Variants in RNF13 observed in about 807,000 individuals in gnomAD.
RNF13 encodes the protein ring finger protein 13.
RNF13 carries 19 observed loss-of-function variants against 37.7 expected under a neutral mutation model. The observed-to-expected ratio is 0.50, with a 90% CI of 0.35 to 0.74. The LOEUF (loss-of-function observed/expected upper bound fraction) is 0.74. Ranked by LOEUF, RNF13 falls within the 30% of genes least tolerant of loss-of-function variation. The probability of loss-of-function intolerance (pLI) is 0.01; values close to 1 mark genes in which losing one functional copy is unlikely to be tolerated. For synonymous variants in RNF13, 144 were observed against 157.8 expected, an observed-to-expected ratio of 0.91 and a Z score of 0.65; for missense variants, 375 against 453.0, an observed-to-expected ratio of 0.83 and a Z score of 1.56.
intron 3 of RNF13, 76 bp from the exon 4 acceptor site, chr3:149,871,952 GA>G: frequency 7.7e-7 from 1 of 1,302,206 alleles, no homozygotes; most frequent in Non-Finnish European, 1.0e-6. Context: ...ATGACAAATC[GA>G]AAAGATATTT....
intron 3 of RNF13, among the ~76,000 whole-genome samples, chr3:149,871,768 G>A (rs959769338): frequency 6.6e-6 from 1 of 152,060 alleles, no homozygotes; most frequent in African/African-American, 2.4e-5. Flanking sequence ...TGTCTTTGGG[G>A]TGATTGGCTT....
intron 4 of RNF13, among the ~76,000 whole-genome samples, chr3:149,894,673 C>T (rs1715056366): frequency 6.6e-6 from 1 of 152,184 alleles, no homozygotes; most frequent in South Asian, 2.1e-4. Flanking sequence ...AAAAGTATTT[C>T]AAGTATTCAA....
At chr3:149,870,640 C>T (rs1711926607) in intron 3 of RNF13, among the ~76,000 whole-genome samples, 1 of 151,790 alleles carries the variant, frequency 6.6e-6, no homozygotes, top group East Asian at 1.9e-4. Flanking sequence ...GCAAATTTAA[C>T]AAGAATAAAG....
chr3:149,830,522 C>G (rs1188122560), intron 1 of RNF13, among the ~76,000 whole-genome samples: 1 of 68,188 alleles, frequency 1.5e-5, no homozygotes, highest in Non-Finnish European at 2.8e-5. Flanking sequence ...AATTTCTAAG[C>G]AGTAAACTGT....
intron 4 of RNF13, among the ~76,000 whole-genome samples, chr3:149,888,556 C>T (rs1020470165): frequency 5.3e-5 from 8 of 152,266 alleles, no homozygotes; most frequent in Admixed American, 1.3e-4. Flanking sequence ...AATTACTCTT[C>T]GTGCAAAACA....
rs1559953213 is a variant in RNF13, at chr3:149,921,870, G to A, written c.700+643G>A. ...TCTAGTTCTAGATCCCTGAGGAATCGCCACACTGTCTTCCACAATGGTTGA... is the reference window on the plus strand; with the variant it reads ...TCTAGTTCTAGATCCCTGAGGAATCACCACACTGTCTTCCACAATGGTTGA... On this transcript the variant is annotated intron_variant, in intron 8 of 9. Coordinates refer to ENST00000392894, the MANE Select transcript of RNF13 (RefSeq NM_183381.3). 2.0e-5 allele frequency among the ~76,000 whole-genome samples: 3 copies of A among 152,208 alleles called. 1 individual carries two copies. In the Middle Eastern group the frequency reaches 0.01, roughly 518 times the overall value.
At position 149,869,592 on chromosome 3, in the gene RNF13, C is replaced by T. The variant is rs576792397; in HGVS notation, c.196-2437C>T. 3.4e-4 allele frequency among the ~76,000 whole-genome samples: 51 copies of T among 151,136 alleles called. 1 individual carries two copies. In the South Asian group the frequency reaches 4.6e-3, roughly 14 times the overall value. Reference sequence around the variant, plus strand: ...CTGCACTCCAGCCTGGGCGACAGAGCGAGACTCCGCCTCAGAAAAAAAAAA... The same window carrying T: ...CTGCACTCCAGCCTGGGCGACAGAGTGAGACTCCGCCTCAGAAAAAAAAAA... On this transcript the variant is annotated intron_variant, in intron 3 of 9. Transcript: ENST00000392894.
chr3:149,837,647 C>T (rs949193425), intron 1 of RNF13, among the ~76,000 whole-genome samples: 47 of 152,240 alleles, frequency 3.1e-4, no homozygotes, highest in African/African-American at 8.4e-4. Flanking sequence ...TTCATTATCA[C>T]GAGAATAACA....
At chr3:149,870,148 C>T (rs766862669) in intron 3 of RNF13, among the ~76,000 whole-genome samples, 1 of 151,854 alleles carries the variant, frequency 6.6e-6, no homozygotes, top group Non-Finnish European at 1.5e-5. Context: ...CCTTCAGGTA[C>T]TTGTGATGCT....
chr3:149,960,393 C>G (rs961992688), intron 9 of RNF13, among the ~76,000 whole-genome samples: 1 of 151,984 alleles, frequency 6.6e-6, no homozygotes, highest in African/African-American at 2.4e-5. Context: ...AGATCGAGAC[C>G]ATCCTGGCTT....
At chr3:149,834,690 C>G (rs1441753039) in intron 1 of RNF13, among the ~76,000 whole-genome samples, 2 of 152,236 alleles carry the variant, frequency 1.3e-5, no homozygotes, top group African/African-American at 4.8e-5. Context: ...TTCCCTCTCT[C>G]TCACTTGCTG....
chr3:149,954,343 T>C (rs1721646711), intron 8 of RNF13, among the ~76,000 whole-genome samples: 3 of 152,142 alleles, frequency 2.0e-5, no homozygotes, highest in African/African-American at 7.2e-5. Context: ...AGAGAACTCC[T>C]ATAGGCTTAG....
chr3:149,876,642 A>G (rs1008340772), intron 4 of RNF13, among the ~76,000 whole-genome samples: 4 of 151,784 alleles, frequency 2.6e-5, no homozygotes, highest in Non-Finnish European at 4.4e-5. Context: ...AGTTTCTGTC[A>G]TGTCCTCCAT....
In RNF13 at chr3:149,961,223, T is replaced by A; in HGVS notation, c.*119T>A. On this transcript the variant is annotated 3_prime_UTR_variant, in exon 10 of 10. Transcript: ENST00000392894. ...AACTTATTTTTTAGTATTCTACAGT[T>A]TAATCAAATTACTGAAACAGGACTT... 1.1e-6 allele frequency: 1 copy of A among 881,828 alleles called. No homozygotes were observed. Among genetic ancestry groups the A allele is most frequent in the Non-Finnish European group, 1.7e-6 (1 of 577,556 alleles). The allele number at this position is 881,828 out of a possible 1,614,324, so 54.6% of individuals were successfully genotyped here.
chr3:149,870,838 T>G (rs527519711), intron 3 of RNF13, among the ~76,000 whole-genome samples: 1 of 151,662 alleles, frequency 6.6e-6, no homozygotes, highest in Non-Finnish European at 1.5e-5. Flanking sequence ...GGAGGAGAAA[T>G]TGCCAAATCC....
intron 3 of RNF13, among the ~76,000 whole-genome samples, chr3:149,854,484 T>C (rs1723452451): frequency 6.6e-6 from 1 of 152,214 alleles, no homozygotes; most frequent in Admixed American, 6.5e-5. Context: ...CATTTGTATA[T>C]ATGAAAAGTT....
chr3:149,884,395 G>A (rs936879969), intron 4 of RNF13, among the ~76,000 whole-genome samples: 73 of 151,962 alleles, frequency 4.8e-4, no homozygotes, highest in African/African-American at 1.8e-3. Flanking sequence ...AGTATTCAAG[G>A]AAGTCTCCCC....
At chr3:149,937,916 G>A (rs1264444348) in intron 8 of RNF13, among the ~76,000 whole-genome samples, 1 of 152,042 alleles carries the variant, frequency 6.6e-6, no homozygotes, top group African/African-American at 2.4e-5. Context: ...GTTGGATGAT[G>A]AAGTAGTGTG....
At chr3:149,920,763 A>G (rs2108535687) in intron 7 of RNF13, among the ~76,000 whole-genome samples, 1 of 147,058 alleles carries the variant, frequency 6.8e-6, no homozygotes, top group African/African-American at 2.5e-5. Context: ...TCAGTTTGTA[A>G]TATATAGGAA....
Sources: allele counts gnomAD v4.1 joint callset (sites outside exome capture counted in the v4.1 genomes callset), GRCh38; gene constraint gnomAD v4.1.1; transcripts MANE v1.5; gene names NCBI Gene and HGNC (gene_info 2026-07-23, HGNC 2026-07-21).